The following FAM13C variants were observed in gnomAD, a reference collection of about 807,000 sequenced individuals.
FAM13C encodes the protein family with sequence similarity 13 member C.
A neutral mutation model predicts 73.2 loss-of-function variants in FAM13C; 37 were observed. The observed-to-expected ratio is 0.51, with a 90% confidence interval of 0.39 to 0.67. FAM13C has a LOEUF of 0.67. Among genes scored for constraint, FAM13C ranks in the 30% least tolerant of loss-of-function variants. The pLI, the probability that FAM13C is intolerant of heterozygous loss-of-function variation, is 0.00. For missense variants in FAM13C, 589 were observed against 715.6 expected, an observed-to-expected ratio of 0.82 and a Z score of 2.02; for synonymous variants, 246 against 260.9, an observed-to-expected ratio of 0.94 and a Z score of 0.55.
Position 59,255,202 on chromosome 10 carries a change from C to G in FAM13C, c.1237-759G>C, listed in dbSNP as rs1841838001. ...GGTTACTGACAGGCTGTGATATCAA[C>G]TAAATTATTTTGGACAAAACATTTA... On this transcript the variant is annotated intron_variant, in intron 10 of 13. Transcript: ENST00000618804. Among the ~76,000 whole-genome samples the G allele has an allele frequency of 2.0e-5, 3 of 152,142 alleles. No homozygotes were observed. The South Asian group carries it at 6.2e-4, about 31-fold the overall frequency.
intron 6 of FAM13C, among the ~76,000 whole-genome samples, chr10:59,270,975 A>C (rs1326651517): frequency 1.3e-5 from 2 of 152,150 alleles, no homozygotes; most frequent in Non-Finnish European, 2.9e-5. Flanking sequence ...CCAGAAGGTA[A>C]GTACCCATCT....
At chr10:59,339,795 A>G (rs753672) in intron 3 of FAM13C, among the ~76,000 whole-genome samples, 81,673 of 152,070 alleles carry the variant, frequency 0.54, 23,248 homozygotes, top group Middle Eastern at 0.63. Flanking sequence ...CAGTGTGCAT[A>G]GGGCAGGTTG....
intron 3 of FAM13C, among the ~76,000 whole-genome samples, chr10:59,349,402 A>T (rs1854729158): frequency 6.6e-6 from 1 of 152,224 alleles, no homozygotes; most frequent in South Asian, 2.1e-4. Flanking sequence ...CAGGATTTGT[A>T]GAACTTTAGT....
chr10:59,267,494 C>T (rs28542641), intron 8 of FAM13C, among the ~76,000 whole-genome samples: 18 of 152,110 alleles, frequency 1.2e-4, no homozygotes, highest in Non-Finnish European at 4.4e-5. Context: ...GACTGCCTGA[C>T]TTTGGGGAAG....
chr10:59,298,220 G>A (rs1432722200), intron 5 of FAM13C, among the ~76,000 whole-genome samples: 2 of 152,156 alleles, frequency 1.3e-5, no homozygotes, highest in African/African-American at 4.8e-5. Flanking sequence ...TGGCCAATAA[G>A]CCTCAAAGAC....
chr10:59,298,671 C>CT (rs1267649410), intron 5 of FAM13C, among the ~76,000 whole-genome samples: 1 of 152,168 alleles, frequency 6.6e-6, no homozygotes, highest in African/African-American at 2.4e-5. Flanking sequence ...CTATGCTAAG[C>CT]ATATATGTCA....
intron 10 of FAM13C, among the ~76,000 whole-genome samples, chr10:59,261,210 G>T (rs766202474): frequency 6.6e-6 from 1 of 152,056 alleles, no homozygotes; most frequent in Non-Finnish European, 1.5e-5. Context: ...ATCTTGGTAG[G>T]CTTAGGGATA....
intron 4 of FAM13C, among the ~76,000 whole-genome samples, chr10:59,323,757 G>T (rs1850683701): frequency 6.6e-6 from 1 of 152,276 alleles, no homozygotes; most frequent in East Asian, 1.9e-4. Context: ...TTCCCCCTGA[G>T]CCTTAAGGTA....
At chr10:59,308,021 T>C (rs1848457200) in intron 4 of FAM13C, among the ~76,000 whole-genome samples, 1 of 152,184 alleles carries the variant, frequency 6.6e-6, no homozygotes, top group Non-Finnish European at 1.5e-5. Flanking sequence ...CAATCTTTCC[T>C]GGAAGCTGGC....
chr10:59,255,158 A>C (rs1841832049), intron 10 of FAM13C, among the ~76,000 whole-genome samples: 1 of 152,200 alleles, frequency 6.6e-6, no homozygotes, highest in East Asian at 1.9e-4. Flanking sequence ...TCATCACTAC[A>C]TGCTTGTATT....
intron 10 of FAM13C, 137 bp from the exon 11 acceptor site, chr10:59,254,580 T>C (rs773042186): frequency 2.1e-4 from 3 of 14,520 alleles, no homozygotes; most frequent in African/African-American, 5.8e-4. Flanking sequence ...GAAAGTCATT[T>C]ATTTATTTAT....
chr10:59,345,462 A>G (rs1049189373), intron 3 of FAM13C, among the ~76,000 whole-genome samples: 1 of 152,228 alleles, frequency 6.6e-6, no homozygotes, highest in African/African-American at 2.4e-5. Flanking sequence ...AGATTCCTTC[A>G]TGTCAGTATT....
chr10:59,287,696 T>G (rs1490313057), intron 5 of FAM13C, among the ~76,000 whole-genome samples: 1 of 152,234 alleles, frequency 6.6e-6, no homozygotes, highest in Admixed American at 6.5e-5. Context: ...ACAATGGTAC[T>G]TGCTCTAAGG....
At chr10:59,323,957 A>G in intron 4 of FAM13C, 31 bp downstream of exon 4, 1 of 1,564,604 alleles carries the variant, frequency 6.4e-7, no homozygotes. Flanking sequence ...AACCACAAGC[A>G]CAGAATAGCT....
intron 9 of FAM13C, among the ~76,000 whole-genome samples, chr10:59,263,638 C>T (rs1794590164): frequency 6.6e-6 from 1 of 152,096 alleles, no homozygotes; most frequent in African/African-American, 2.4e-5. Context: ...GGACACTAGC[C>T]CACACGGCAG....
chr10:59,319,384 G>A (rs1849930296), intron 4 of FAM13C, among the ~76,000 whole-genome samples: 1 of 152,170 alleles, frequency 6.6e-6, no homozygotes, highest in Admixed American at 6.5e-5. Context: ...CAATGCTATA[G>A]AATAACTCCT....
At chr10:59,307,475 A>T (rs1040884389) in intron 4 of FAM13C, among the ~76,000 whole-genome samples, 11 of 152,194 alleles carry the variant, frequency 7.2e-5, no homozygotes, top group Non-Finnish European at 1.6e-4. Context: ...TTATTTAATC[A>T]TCAAGGTCAT....
At chr10:59,320,386 T>A (rs868550283) in intron 4 of FAM13C, among the ~76,000 whole-genome samples, 52 of 152,118 alleles carry the variant, frequency 3.4e-4, no homozygotes, top group African/African-American at 1.2e-3. Context: ...GGGTGGGGCA[T>A]GGCAAATGGG....
intron 7 of FAM13C, among the ~76,000 whole-genome samples, chr10:59,269,689 C>T (rs1440108316): frequency 2.0e-5 from 3 of 152,176 alleles, no homozygotes; most frequent in Admixed American, 6.5e-5. Context: ...GCTATCCTGT[C>T]TCTCATGACC....
Sources: allele counts gnomAD v4.1 joint callset (sites outside exome capture counted in the v4.1 genomes callset), GRCh38; gene constraint gnomAD v4.1.1; transcripts MANE v1.5; gene names NCBI Gene and HGNC (gene_info 2026-07-23, HGNC 2026-07-21).